ZFPM2: variants seen among roughly 807,000 people sequenced by gnomAD.
ZFPM2 encodes the protein zinc finger protein, FOG family member 2.
A neutral mutation model predicts 98.6 loss-of-function variants in ZFPM2; 20 were observed. The ratio of observed to expected loss-of-function variants is 0.20; its 90% CI spans 0.14 to 0.29. The LOEUF (loss-of-function observed/expected upper bound fraction) is 0.29, where lower values mean the gene tolerates loss of function less well. Among genes scored for constraint, ZFPM2 ranks in the 10% least tolerant of loss-of-function variants. The pLI, the probability that ZFPM2 is intolerant of heterozygous loss-of-function variation, is 1.00. For synonymous variants in ZFPM2, 518 were observed against 502.7 expected, an observed-to-expected ratio of 1.03 and a Z score of -0.41; for missense variants, 1,310 against 1,388.6, an observed-to-expected ratio of 0.94 and a Z score of 0.90.
chr8:105,567,420 G>A (rs1227436231), intron 4 of ZFPM2, among the ~76,000 whole-genome samples: 1 of 152,092 alleles, frequency 6.6e-6, no homozygotes, highest in Non-Finnish European at 1.5e-5. Context: ...CCTTCCTCTT[G>A]GTTAGGATAT....
chr8:105,613,220 T>C (rs1443461426), intron 4 of ZFPM2, among the ~76,000 whole-genome samples: 1 of 152,024 alleles, frequency 6.6e-6, no homozygotes, highest in East Asian at 1.9e-4. Context: ...CTGAGGCTTG[T>C]AATGATACTG....
At chr8:105,686,529 C>T (rs1563521141) in intron 5 of ZFPM2, among the ~76,000 whole-genome samples, 1 of 152,052 alleles carries the variant, frequency 6.6e-6, no homozygotes, top group Non-Finnish European at 1.5e-5. Context: ...GTTGACAACA[C>T]ATGTTTGAAA....
intron 3 of ZFPM2, among the ~76,000 whole-genome samples, chr8:105,538,834 A>G (rs1217971835): frequency 6.6e-6 from 1 of 152,064 alleles, no homozygotes; most frequent in Non-Finnish European, 1.5e-5. Context: ...CAGCATTGGG[A>G]AACCCTGTCT....
intron 5 of ZFPM2, among the ~76,000 whole-genome samples, chr8:105,730,996 T>C (rs1811921868): frequency 6.6e-6 from 1 of 151,610 alleles, no homozygotes; most frequent in Non-Finnish European, 1.5e-5. Flanking sequence ...ACTTCTCAGT[T>C]CAACACTTAT....
chr8:105,436,209 C>T (rs1172175323), intron 2 of ZFPM2, among the ~76,000 whole-genome samples: 1 of 152,016 alleles, frequency 6.6e-6, no homozygotes. Flanking sequence ...AGATCAAATT[C>T]GTTAACCATT....
chr8:105,569,662 G>A (rs1020286076), intron 4 of ZFPM2, among the ~76,000 whole-genome samples: 1 of 152,198 alleles, frequency 6.6e-6, no homozygotes, highest in Non-Finnish European at 1.5e-5. Flanking sequence ...AGGATGAGGT[G>A]TTGCGCCTAG....
intron 1 of ZFPM2, among the ~76,000 whole-genome samples, chr8:105,321,024 T>G (rs1445861525): frequency 6.6e-6 from 1 of 152,220 alleles, no homozygotes; most frequent in African/African-American, 2.4e-5. Flanking sequence ...TGATAATCTG[T>G]GCAAATGTGG....
rs777288453 is a variant in ZFPM2, at chr8:105,802,448, A to C, written c.2366A>C (p.Asp789Ala). 5 of 1,613,572 alleles carry C rather than the reference A, an allele frequency of 3.1e-6. No homozygotes were observed. The highest frequency in any genetic ancestry group is 2.5e-6 in the Non-Finnish European group (3 of 1,179,818). Residue 789 changes from aspartate (D) to alanine (A), a missense_variant, in exon 8 of 8, where the codon GAT becomes GCT. Transcript: ENST00000407775. ...GLGECYHPRC[D>A]IFPGIVSKHL... The stretch of plus-strand genomic sequence containing the variant: ...GGAGAGTGCTACCACCCAAGATGTG[A>C]TATCTTTCCAGGAATTGTCTCTAAA...
intron 1 of ZFPM2, among the ~76,000 whole-genome samples, chr8:105,340,176 C>T (rs1446239441): frequency 1.3e-5 from 2 of 151,808 alleles, no homozygotes; most frequent in East Asian, 1.9e-4. Context: ...TAGATAACCT[C>T]GATGTTATCT....
chr8:105,380,990 A>G (rs1376514543), intron 1 of ZFPM2, among the ~76,000 whole-genome samples: 2 of 133,696 alleles, frequency 1.5e-5, no homozygotes, highest in African/African-American at 5.6e-5. Context: ...GGTTTGTTAC[A>G]TAGGTATACA....
At chr8:105,326,955 G>A (rs949037350) in intron 1 of ZFPM2, among the ~76,000 whole-genome samples, 2 of 150,864 alleles carry the variant, frequency 1.3e-5, no homozygotes, top group African/African-American at 4.9e-5. Flanking sequence ...CCAATAAAAT[G>A]CTATATTTTA....
At chr8:105,604,461 A>G (rs551912489) in intron 4 of ZFPM2, among the ~76,000 whole-genome samples, 16 of 152,150 alleles carry the variant, frequency 1.1e-4, no homozygotes, top group Non-Finnish European at 1.0e-4. Flanking sequence ...TGGTATTCCC[A>G]AGACCATGCA....
chr8:105,327,571 A>C (rs1167311853), intron 1 of ZFPM2, among the ~76,000 whole-genome samples: 2 of 151,708 alleles, frequency 1.3e-5, no homozygotes, highest in Non-Finnish European at 3.0e-5. Context: ...TTCTATACAG[A>C]AAAAATAGCT....
intron 1 of ZFPM2, among the ~76,000 whole-genome samples, chr8:105,379,534 A>T (rs1323185842): frequency 6.6e-6 from 1 of 152,180 alleles, no homozygotes; most frequent in East Asian, 1.9e-4. Context: ...TGGGCGGATC[A>T]CCAGAGGTCT....
At chr8:105,460,051 T>C (rs1265538639) in intron 3 of ZFPM2, among the ~76,000 whole-genome samples, 1 of 152,080 alleles carries the variant, frequency 6.6e-6, no homozygotes. Context: ...TTCCCTGGGG[T>C]CCTGCTCTGG....
intron 3 of ZFPM2, among the ~76,000 whole-genome samples, chr8:105,464,039 G>A (rs1407472240): frequency 6.6e-6 from 1 of 152,022 alleles, no homozygotes; most frequent in Non-Finnish European, 1.5e-5. Context: ...TCGCAGTTTT[G>A]CAGAACAGCC....
intron 4 of ZFPM2, among the ~76,000 whole-genome samples, chr8:105,632,845 A>C (rs1816778144): frequency 6.6e-6 from 1 of 152,188 alleles, no homozygotes; most frequent in South Asian, 2.1e-4. Context: ...ATGTATTAGA[A>C]TTTGTTATAC....
In ZFPM2 at chr8:105,732,325, C is replaced by T. The variant is rs184908615; in HGVS notation, c.533-56393C>T. On this transcript the variant is annotated intron_variant, in intron 5 of 7. Transcript: ENST00000407775. ...TAATCTCCTTAAAGCACCTTGGAGCCTCATCTCCGAAATACATGCGAATGA... is the reference window on the plus strand; with the variant it reads ...TAATCTCCTTAAAGCACCTTGGAGCTTCATCTCCGAAATACATGCGAATGA... 7.9e-5 allele frequency among the ~76,000 whole-genome samples: 12 copies of T among 151,884 alleles called. No individual in the cohort carries two copies. The East Asian group carries it at 2.2e-3, about 27-fold the overall frequency.
chr8:105,624,860 A>G (rs1007391100), intron 4 of ZFPM2, among the ~76,000 whole-genome samples: 6 of 152,202 alleles, frequency 3.9e-5, no homozygotes, highest in Non-Finnish European at 8.8e-5. Context: ...AAACTGTCTG[A>G]CATAAGGAGT....
Sources: gnomAD v4.1 joint callset for allele counts (sites outside exome capture counted in the v4.1 genomes callset) on GRCh38, gnomAD v4.1.1 for gene constraint, MANE v1.5 for transcripts, NCBI Gene and HGNC (gene_info 2026-07-23, HGNC 2026-07-21) for gene names.